ALCAM: variants seen among roughly 807,000 people sequenced by gnomAD.
ALCAM encodes activated leukocyte cell adhesion molecule, also known as CD166 antigen.
ALCAM carries 30 observed loss-of-function variants against 70.9 expected under a neutral mutation model. That is an observed-to-expected ratio of 0.42 (90% CI 0.32 to 0.57). ALCAM has a LOEUF of 0.57. Ranked by LOEUF, ALCAM falls within the 20% of genes least tolerant of loss-of-function variation. The pLI, the probability that ALCAM is intolerant of heterozygous loss-of-function variation, is 0.11. For synonymous variants in ALCAM, 249 were observed against 242.5 expected, an observed-to-expected ratio of 1.03 and a Z score of -0.25; for missense variants, 591 against 695.1, an observed-to-expected ratio of 0.85 and a Z score of 1.68.
chr3:105,465,035 T>G (rs145309182), intron 1 of ALCAM, among the ~76,000 whole-genome samples: 1 of 151,428 alleles, frequency 6.6e-6, no homozygotes, highest in Non-Finnish European at 1.5e-5. Flanking sequence ...AATAATATGG[T>G]ATATACTTAG....
At chr3:105,561,476 A>G (rs374091982) in intron 14 of ALCAM, among the ~76,000 whole-genome samples, 2 of 152,110 alleles carry the variant, frequency 1.3e-5, no homozygotes, top group East Asian at 1.9e-4. Flanking sequence ...GAAATTGCTC[A>G]ATAGTTACCA....
Position 105,552,859 on chromosome 3 carries a change from A to G in ALCAM, c.1664+274A>G, listed in dbSNP as rs939976084. On this transcript the variant is annotated intron_variant, in intron 14 of 15. Coordinates refer to ENST00000306107, the MANE Select transcript of ALCAM (RefSeq NM_001627.4). ...TTTGATTTTTTCAGTGCTTGAGTGA[A>G]TTTTTTAAAGCGTATACTTCCTAAA... is the stretch of plus-strand genomic sequence containing the variant. 8.3e-6 allele frequency: 10 copies of G among 1,210,466 alleles called. No homozygotes were observed. In the Admixed American group the frequency reaches 2.3e-4, roughly 28 times the overall value. 75.0% of individuals were successfully genotyped at this position (1,210,466 alleles called of 1,614,324 possible).
chr3:105,545,146 C>A, intron 8 of ALCAM, 77 bp from the exon 9 acceptor site: 1 of 962,790 alleles, frequency 1.0e-6, no homozygotes, highest in Non-Finnish European at 1.7e-6. Flanking sequence ...TATTTTCTTT[C>A]ATCTTTTCTT....
At chr3:105,489,690 G>A (rs1938529980) in intron 1 of ALCAM, among the ~76,000 whole-genome samples, 2 of 152,080 alleles carry the variant, frequency 1.3e-5, no homozygotes, top group African/African-American at 4.8e-5. Context: ...TTTTCATCCA[G>A]GACATTATAT....
intron 1 of ALCAM, among the ~76,000 whole-genome samples, chr3:105,375,192 G>A (rs989677901): frequency 1.3e-5 from 2 of 152,124 alleles, no homozygotes; most frequent in African/African-American, 4.8e-5. Flanking sequence ...CATATTATTA[G>A]TAGGTTGACC....
At chr3:105,506,859 A>C (rs1287480919) in intron 1 of ALCAM, among the ~76,000 whole-genome samples, 2 of 152,218 alleles carry the variant, frequency 1.3e-5, no homozygotes, top group Non-Finnish European at 2.9e-5. Context: ...TCTACTCAAG[A>C]CACTCTTGTT....
At position 105,571,871 on chromosome 3, in the gene ALCAM, A is replaced by T; in HGVS notation, c.1684A>T (p.Asn562Tyr). 6.2e-7 allele frequency: 1 copy of T among 1,612,870 alleles called. No individual in the cohort carries two copies. The highest frequency in any genetic ancestry group is 8.5e-7 in the Non-Finnish European group (1 of 1,179,110). ...TTACAGGACTGCATCAAAACATGTA[A>T]ACAAGGACCTCGGTAATATGGAAGA... ...KKSKTASKHV[N>Y]KDLGNMEENK... Residue 562 changes from asparagine (N) to tyrosine (Y), a missense_variant, in exon 15 of 16, where the codon AAC becomes TAC. Asn to Tyr is a moderately radical substitution (Grantham distance 143). Around this residue, in one of 2 missense-constraint regions of ALCAM, gnomAD observed 164 missense variants for 244.7 expected, o/e 0.67. Transcript: ENST00000306107.
chr3:105,568,331 T>A (rs1201565000), intron 14 of ALCAM, among the ~76,000 whole-genome samples: 7 of 152,248 alleles, frequency 4.6e-5, no homozygotes, highest in South Asian at 4.1e-4. Flanking sequence ...CCTCAAGTGA[T>A]CCACCCACCT....
intron 14 of ALCAM, among the ~76,000 whole-genome samples, chr3:105,556,495 A>C (rs1940520496): frequency 6.6e-6 from 1 of 152,014 alleles, no homozygotes; most frequent in South Asian, 2.1e-4. Context: ...AAAAGTCAGA[A>C]ATACCCTTTG....
At chr3:105,392,983 T>A (rs1170498097) in intron 1 of ALCAM, among the ~76,000 whole-genome samples, 6 of 151,942 alleles carry the variant, frequency 3.9e-5, no homozygotes. Context: ...AAGATACATC[T>A]TCTCACATAG....
intron 3 of ALCAM, among the ~76,000 whole-genome samples, chr3:105,528,364 A>G (rs1256460573): frequency 6.6e-6 from 1 of 152,172 alleles, no homozygotes; most frequent in African/African-American, 2.4e-5. Flanking sequence ...TGTCTATTTC[A>G]GTATATTTCT....
At chr3:105,445,283 A>G (rs1168727533) in intron 1 of ALCAM, among the ~76,000 whole-genome samples, 6 of 152,186 alleles carry the variant, frequency 3.9e-5, no homozygotes, top group South Asian at 2.1e-4. Flanking sequence ...CTACACTGAG[A>G]GATCAATACA....
intron 1 of ALCAM, among the ~76,000 whole-genome samples, chr3:105,417,109 A>C (rs552941088): frequency 1.3e-5 from 2 of 151,422 alleles, no homozygotes; most frequent in Admixed American, 1.3e-4. Flanking sequence ...AACTTTCCTT[A>C]TTTTCAAAAA....
intron 14 of ALCAM, among the ~76,000 whole-genome samples, chr3:105,559,068 A>G (rs1234395645): frequency 1.3e-5 from 2 of 151,692 alleles, no homozygotes; most frequent in Admixed American, 1.3e-4. Context: ...TGTAATTTAA[A>G]TTTTCTCTCA....
At chr3:105,389,602 C>T (rs1473313684) in intron 1 of ALCAM, among the ~76,000 whole-genome samples, 1 of 150,990 alleles carries the variant, frequency 6.6e-6, no homozygotes, top group East Asian at 1.9e-4. Context: ...ATTTTAAGTT[C>T]CAGGATACAT....
At chr3:105,469,027 T>C (rs1361576192) in intron 1 of ALCAM, among the ~76,000 whole-genome samples, 1 of 151,218 alleles carries the variant, frequency 6.6e-6, no homozygotes, top group Non-Finnish European at 1.5e-5. Context: ...TCATTACCTG[T>C]TTACAGTTTC....
Position 105,574,770 on chromosome 3 carries a change from G to A in ALCAM, c.*319G>A, listed in dbSNP as rs1346522583. Reference sequence around the variant, plus strand: ...TTTGCCTTTTATGTAAATTTTTTACGTAGCTATTTTTATACACTGTAAGCT... The same window carrying A: ...TTTGCCTTTTATGTAAATTTTTTACATAGCTATTTTTATACACTGTAAGCT... On this transcript the variant is annotated 3_prime_UTR_variant, in exon 16 of 16. Coordinates refer to ENST00000306107, the MANE Select transcript of ALCAM (RefSeq NM_001627.4). 1 of 152,434 alleles carries A rather than the reference G, an allele frequency of 6.6e-6. No homozygotes were observed. Among genetic ancestry groups the A allele is most frequent in the Non-Finnish European group, 1.5e-5 (1 of 68,014 alleles). 9.4% of individuals were successfully genotyped at this position (152,434 alleles called of 1,614,324 possible).
At chr3:105,434,253 A>T (rs767407522) in intron 1 of ALCAM, among the ~76,000 whole-genome samples, 13 of 152,154 alleles carry the variant, frequency 8.5e-5, no homozygotes, top group Non-Finnish European at 1.6e-4. Flanking sequence ...ACATTCTGTG[A>T]TCATTTAGTT....
At chr3:105,382,892 G>C (rs187746408) in intron 1 of ALCAM, among the ~76,000 whole-genome samples, 325 of 151,868 alleles carry the variant, frequency 2.1e-3, no homozygotes, top group South Asian at 4.4e-3. Flanking sequence ...AAATACTTCG[G>C]ACACTTCCCA....
Sources: gnomAD v4.1 joint callset for allele counts (sites outside exome capture counted in the v4.1 genomes callset) on GRCh38, gnomAD v4.1.1 for gene constraint, gnomAD v4.1.1 regional missense constraint, MANE v1.5 for transcripts, NCBI Gene and HGNC (gene_info 2026-07-23, HGNC 2026-07-21) for gene names.